Variants in STX8 observed in about 807,000 individuals in gnomAD.
STX8 encodes syntaxin-8.
A neutral mutation model predicts 37.5 loss-of-function variants in STX8; 23 were observed. That is an observed-to-expected ratio of 0.61 (90% CI 0.44 to 0.87). The LOEUF (loss-of-function observed/expected upper bound fraction) is 0.87, where lower values mean the gene tolerates loss of function less well. Among genes scored for constraint, STX8 ranks in the 40% least tolerant of loss-of-function variants. The pLI, the probability that STX8 is intolerant of heterozygous loss-of-function variation, is 0.00. For synonymous variants in STX8, 115 were observed against 99.1 expected, an observed-to-expected ratio of 1.16 and a Z score of -0.95; for missense variants, 313 against 284.7, an observed-to-expected ratio of 1.10 and a Z score of -0.71.
chr17:9,463,885 G>A (rs1905499969), intron 6 of STX8, among the ~76,000 whole-genome samples: 1 of 148,860 alleles, frequency 6.7e-6, no homozygotes, highest in Non-Finnish European at 1.5e-5. Context: ...TCCAGCCTGG[G>A]CAACAAGAGT....
At chr17:9,311,754 T>C (rs1909196067) in intron 7 of STX8, among the ~76,000 whole-genome samples, 1 of 152,236 alleles carries the variant, frequency 6.6e-6, no homozygotes, top group African/African-American at 2.4e-5. Flanking sequence ...CATTGGATGG[T>C]TGTGAGGATT....
intron 7 of STX8, among the ~76,000 whole-genome samples, chr17:9,338,336 G>T (rs929601229): frequency 1.3e-5 from 2 of 152,104 alleles, no homozygotes; most frequent in African/African-American, 4.8e-5. Flanking sequence ...TTACAGGCGT[G>T]AGCCACAGCG....
chr17:9,427,800 C>T (rs1024064335), intron 6 of STX8, among the ~76,000 whole-genome samples: 5 of 152,122 alleles, frequency 3.3e-5, no homozygotes, highest in African/African-American at 1.2e-4. Context: ...GGAGAGAAAG[C>T]GCTGGGTGCA....
intron 4 of STX8, among the ~76,000 whole-genome samples, chr17:9,508,517 TG>T (rs1284275194): frequency 1.3e-5 from 2 of 152,102 alleles, no homozygotes; most frequent in Non-Finnish European, 2.9e-5. Flanking sequence ...TTGGTAGAGA[TG>T]GGGTTTCACC....
intron 4 of STX8, among the ~76,000 whole-genome samples, chr17:9,510,806 T>TA (rs1292463384): frequency 6.6e-6 from 1 of 151,730 alleles, no homozygotes; most frequent in Non-Finnish European, 1.5e-5. Flanking sequence ...AAAATGTATT[T>TA]AAAAAATCAA....
intron 6 of STX8, among the ~76,000 whole-genome samples, chr17:9,434,823 G>A (rs1745238137): frequency 6.6e-6 from 1 of 152,218 alleles, no homozygotes; most frequent in African/African-American, 2.4e-5. Flanking sequence ...TGCAAATGAA[G>A]AGGTGGGTTA....
intron 4 of STX8, among the ~76,000 whole-genome samples, chr17:9,519,714 A>ACTT (rs141498890): frequency 0.015 from 2,261 of 149,352 alleles, 68 homozygotes; most frequent in African/African-American, 0.053. Flanking sequence ...TCCACACCCT[A>ACTT]CTTCGGCCCT....
intron 4 of STX8, among the ~76,000 whole-genome samples, chr17:9,510,299 G>A (rs1904981983): frequency 6.6e-6 from 1 of 152,086 alleles, no homozygotes; most frequent in East Asian, 1.9e-4. Flanking sequence ...AGATATTTAT[G>A]GAACATTTCA....
chr17:9,311,853 CTTTTTTTT>C (rs962751764), intron 7 of STX8, among the ~76,000 whole-genome samples: 2 of 149,262 alleles, frequency 1.3e-5, no homozygotes, highest in Non-Finnish European at 3.0e-5. Flanking sequence ...CTCTTTTTTT[CTTTTTTTT>C]TTCTGAGACG....
intron 6 of STX8, among the ~76,000 whole-genome samples, chr17:9,444,552 T>C (rs1904773449): frequency 6.6e-6 from 1 of 152,252 alleles, no homozygotes; most frequent in African/African-American, 2.4e-5. Context: ...GTTAATTTCA[T>C]CTTGAGCTTG....
rs369770737 is a variant in STX8 at position 9,499,556 on chromosome 17, C to T, written c.448+5482G>A. Among the ~76,000 whole-genome samples, 19 of 152,202 alleles carry T rather than the reference C, an allele frequency of 1.2e-4. No individual in the cohort carries two copies. The Middle Eastern group carries it at 0.01, about 82-fold the overall frequency. ...TGGGACTACAGGCGCCCGCCACGGA[C>T]GCCCAGCTAATTTTTGTATTTTTAG... On this transcript the variant is annotated intron_variant, in intron 5 of 7. Coordinates refer to ENST00000306357, the MANE Select transcript of STX8 (RefSeq NM_004853.3).
intron 7 of STX8, among the ~76,000 whole-genome samples, chr17:9,295,708 A>G (rs1390356683): frequency 1.3e-5 from 2 of 151,818 alleles, no homozygotes; most frequent in African/African-American, 4.8e-5. Context: ...GCGCCACCGC[A>G]CTCCAGCGTG....
chr17:9,306,844 C>T (rs555548126), intron 7 of STX8, among the ~76,000 whole-genome samples: 3 of 151,336 alleles, frequency 2.0e-5, no homozygotes, highest in South Asian at 2.1e-4. Flanking sequence ...GAATCATTTA[C>T]GCCGGGCATG....
At chr17:9,525,885 A>G (rs1446683715) in intron 4 of STX8, among the ~76,000 whole-genome samples, 1 of 152,228 alleles carries the variant, frequency 6.6e-6, no homozygotes, top group East Asian at 1.9e-4. Context: ...ATCTCATTTG[A>G]ACTTCACAAC....
At chr17:9,506,316 AGC>A in intron 4 of STX8, among the ~76,000 whole-genome samples, 1 of 150,304 alleles carries the variant, frequency 6.7e-6, no homozygotes, top group South Asian at 2.1e-4. Context: ...TCATCTTTAG[AGC>A]TCTCAACAGA....
chr17:9,334,875 G>A (rs142802286), intron 7 of STX8, among the ~76,000 whole-genome samples: 28 of 152,228 alleles, frequency 1.8e-4, no homozygotes, highest in African/African-American at 4.1e-4. Flanking sequence ...TAAATTTCCC[G>A]TCAAAGAATC....
At chr17:9,365,764 G>C (rs1810361669) in intron 7 of STX8, among the ~76,000 whole-genome samples, 1 of 152,220 alleles carries the variant, frequency 6.6e-6, no homozygotes, top group Non-Finnish European at 1.5e-5. Flanking sequence ...ATGAGGTTAG[G>C]AGTTCGAGAC....
At chr17:9,303,245 C>T (rs895222023) in intron 7 of STX8, among the ~76,000 whole-genome samples, 2 of 152,106 alleles carry the variant, frequency 1.3e-5, no homozygotes, top group African/African-American at 4.8e-5. Context: ...GAGCTGAGAT[C>T]GTGCCACTGC....
chr17:9,355,491 C>A (rs751523371), intron 7 of STX8, among the ~76,000 whole-genome samples: 1 of 150,082 alleles, frequency 6.7e-6, no homozygotes, highest in Non-Finnish European at 1.5e-5. Context: ...TGCACCACCA[C>A]ACCTAGCAAT....
Sources: allele counts gnomAD v4.1 joint callset (sites outside exome capture counted in the v4.1 genomes callset), GRCh38; gene constraint gnomAD v4.1.1; transcripts MANE v1.5; gene names NCBI Gene and HGNC (gene_info 2026-07-23, HGNC 2026-07-21).